Variants in CNBD1 observed in about 807,000 individuals in gnomAD.
The protein encoded by CNBD1 is cyclic nucleotide-binding domain-containing protein 1.
A neutral mutation model predicts 54.4 loss-of-function variants in CNBD1; 71 were observed. The observed-to-expected ratio is 1.30, with a 90% CI of 1.08 to 1.59. The LOEUF is 1.59. Ranked by LOEUF, CNBD1 falls within the 40% of genes most tolerant of loss-of-function variation. The probability of loss-of-function intolerance (pLI) is 0.00; values close to 1 mark genes in which losing one functional copy is unlikely to be tolerated. For missense variants in CNBD1, 659 were observed against 518.0 expected (o/e 1.27, Z -2.64); for synonymous variants, 182 against 170.7 (o/e 1.07, Z -0.51).
rs371471395 is a variant in CNBD1 at position 87,145,513 on chromosome 8, A to G, written c.432-60480A>G. Among the ~76,000 whole-genome samples the G allele has an allele frequency of 3.9e-5, 6 of 152,202 alleles. No homozygotes were observed. In the East Asian group the frequency reaches 1.2e-3, roughly 29 times the overall value. On this transcript the variant is annotated intron_variant, in intron 4 of 10. Transcript: ENST00000518476. ...ATCATAGGCAAATAATCTAGATAAC[A>G]TAATGTAAATAAAATACTGTTTGTA...
chr8:86,956,101 T>C (rs1450673055), intron 4 of CNBD1, among the ~76,000 whole-genome samples: 1 of 152,112 alleles, frequency 6.6e-6, no homozygotes, highest in Admixed American at 6.5e-5. Flanking sequence ...CTTTCCCCAT[T>C]GCTTGTTTTT....
intron 8 of CNBD1, among the ~76,000 whole-genome samples, chr8:87,289,770 C>G (rs1341207474): frequency 6.6e-6 from 1 of 152,094 alleles, no homozygotes; most frequent in Non-Finnish European, 1.5e-5. Context: ...AATACATAGG[C>G]TCTACATCCC....
At chr8:87,330,318 T>C (rs2130909342) in intron 8 of CNBD1, among the ~76,000 whole-genome samples, 1 of 151,876 alleles carries the variant, frequency 6.6e-6, no homozygotes, top group Non-Finnish European at 1.5e-5. Flanking sequence ...GTTGATTTTC[T>C]CTATTGATTT....
At chr8:87,359,193 G>A (rs954198390) in intron 10 of CNBD1, among the ~76,000 whole-genome samples, 35 of 152,012 alleles carry the variant, frequency 2.3e-4, no homozygotes, top group South Asian at 4.2e-4. Context: ...GCATTGTATG[G>A]GATTTAGTAA....
Position 87,024,925 on chromosome 8 carries a change from A to C in CNBD1, c.431+85171A>C, listed in dbSNP as rs1160617918. Among the ~76,000 whole-genome samples, 3 of 152,296 alleles carry C rather than the reference A, an allele frequency of 2.0e-5. No individual in the cohort carries two copies. The East Asian group carries it at 5.8e-4, about 29-fold the overall frequency. ...TTAAATGCTCAAGTTAAAGCATTTA[A>C]AAATAACTTTCCTGAGTGCATAGAA... On this transcript the variant is annotated intron_variant, in intron 4 of 10. Transcript: ENST00000518476.
intron 5 of CNBD1, among the ~76,000 whole-genome samples, chr8:87,206,827 T>C (rs1813985659): frequency 6.6e-6 from 1 of 152,190 alleles, no homozygotes; most frequent in African/African-American, 2.4e-5. Flanking sequence ...GCTATTATTA[T>C]TCTCCACAGA....
intron 4 of CNBD1, among the ~76,000 whole-genome samples, chr8:87,141,899 T>C (rs538207531): frequency 2.0e-5 from 3 of 152,266 alleles, no homozygotes; most frequent in African/African-American, 4.8e-5. Context: ...AAATTATTCA[T>C]TTGCAAAAAT....
At chr8:87,318,918 T>G (rs1427918853) in intron 8 of CNBD1, among the ~76,000 whole-genome samples, 1 of 151,982 alleles carries the variant, frequency 6.6e-6, no homozygotes, top group African/African-American at 2.4e-5. Flanking sequence ...TAGCCAAACT[T>G]GTAAGAGTTT....
At chr8:87,275,679 C>T (rs1808464460) in intron 6 of CNBD1, among the ~76,000 whole-genome samples, 1 of 151,602 alleles carries the variant, frequency 6.6e-6, no homozygotes, top group South Asian at 2.1e-4. Context: ...GGGATGCCCT[C>T]TCTCACCACT....
Position 87,275,250 on chromosome 8 carries a change from G to A in CNBD1, c.772-9428G>A, listed in dbSNP as rs187205982. Among the ~76,000 whole-genome samples, 1,308 of 138,384 alleles carry A rather than the reference G, an allele frequency of 9.5e-3. 92 individuals carry two copies. The highest frequency in any genetic ancestry group is 0.036 in the African/African-American group (1,240 of 34,842). The allele number at this position is 138,384 out of a possible 152,430, so 90.8% of individuals were successfully genotyped here. Reference sequence around the variant, plus strand: ...TCTTTTGGCTTAGGATTCACTTGGTGATGCGGGCTCTTTTTTGGTTCCATA... The same window carrying A: ...TCTTTTGGCTTAGGATTCACTTGGTAATGCGGGCTCTTTTTTGGTTCCATA... On this transcript the variant is annotated intron_variant, in intron 6 of 10. Transcript: ENST00000518476.
intron 8 of CNBD1, among the ~76,000 whole-genome samples, chr8:87,351,260 T>C (rs1810285175): frequency 6.6e-6 from 1 of 152,172 alleles, no homozygotes; most frequent in Non-Finnish European, 1.5e-5. Flanking sequence ...CAGCCCAAGA[T>C]ATAGGCTCTG....
At chr8:87,368,000 A>G (rs946082407) in intron 10 of CNBD1, among the ~76,000 whole-genome samples, 1 of 151,962 alleles carries the variant, frequency 6.6e-6, no homozygotes, top group African/African-American at 2.4e-5. Context: ...AATCTTTCCT[A>G]AAAAGACAAA....
At chr8:87,374,842 T>G (rs183009308) in intron 10 of CNBD1, among the ~76,000 whole-genome samples, 10 of 151,972 alleles carry the variant, frequency 6.6e-5, no homozygotes, top group African/African-American at 2.4e-4. Flanking sequence ...ACATCTGTAT[T>G]GGACTTTGTG....
chr8:87,391,043 A>T (rs113270596), intron 2 of CNBD1, among the ~76,000 whole-genome samples: 2,852 of 151,784 alleles, frequency 0.019, 92 homozygotes, highest in African/African-American at 0.062. Context: ...TTGAACAAAG[A>T]GAACCCATGG....
intron 4 of CNBD1, among the ~76,000 whole-genome samples, chr8:87,068,357 G>GAAGTATTAA (rs1176758567): frequency 4.6e-5 from 7 of 151,892 alleles, no homozygotes; most frequent in African/African-American, 1.7e-4. Flanking sequence ...TTTCATTTCG[G>GAAGTATTAA]AAGTATTAAG....
At chr8:87,298,036 A>T (rs1746850115) in intron 8 of CNBD1, among the ~76,000 whole-genome samples, 1 of 151,778 alleles carries the variant, frequency 6.6e-6, no homozygotes, top group African/African-American at 2.4e-5. Context: ...ATTAATATAG[A>T]TTTGTATAAG....
chr8:87,315,918 T>C (rs912192250), intron 8 of CNBD1, among the ~76,000 whole-genome samples: 16 of 152,042 alleles, frequency 1.1e-4, no homozygotes, highest in Non-Finnish European at 1.8e-4. Context: ...ATTACCTTGA[T>C]TTGATCATTA....
intron 10 of CNBD1, among the ~76,000 whole-genome samples, chr8:87,368,241 T>C (rs912384885): frequency 6.6e-6 from 1 of 151,832 alleles, no homozygotes; most frequent in Non-Finnish European, 1.5e-5. Context: ...AGCCTAAGAA[T>C]GTAGAAATTT....
At chr8:87,090,377 C>T (rs1811181467) in intron 4 of CNBD1, among the ~76,000 whole-genome samples, 1 of 152,100 alleles carries the variant, frequency 6.6e-6, no homozygotes, top group African/African-American at 2.4e-5. Context: ...CTTAATAGTA[C>T]AGTGTTCACC....
Sources: gnomAD v4.1 joint callset for allele counts (sites outside exome capture counted in the v4.1 genomes callset) on GRCh38, gnomAD v4.1.1 for gene constraint, MANE v1.5 for transcripts, NCBI Gene and HGNC (gene_info 2026-07-23, HGNC 2026-07-21) for gene names.